Variants in HMCN2 observed in about 807,000 individuals in gnomAD.
HMCN2 encodes hemicentin-2.
HMCN2 carries 325 observed loss-of-function variants against 377.5 expected under a neutral mutation model. The ratio of observed to expected loss-of-function variants is 0.86; its 90% CI spans 0.79 to 0.94. HMCN2 has a LOEUF of 0.94. HMCN2 is among the 40% of genes least tolerant of loss of function. The pLI, the probability that HMCN2 is intolerant of heterozygous loss-of-function variation, is 0.00. For missense variants in HMCN2, 4,543 were observed against 4,725.3 expected, an observed-to-expected ratio of 0.96 and a Z score of 1.13; for synonymous variants, 2,007 against 2,046.8, an observed-to-expected ratio of 0.98 and a Z score of 0.53.
chr9:130,432,924 A>G lies in HMCN2; in HGVS notation c.14894+369A>G. ...CTGGAAAGGTTTCTCCCGGCGGGTG[A>G]CCTGCCCCAGGCCTTACAACTAGAA... is the stretch of plus-strand genomic sequence containing the variant. On this transcript the variant is annotated intron_variant, in intron 97 of 97. Transcript: ENST00000683500. 4 of 365,292 alleles carry G rather than the reference A, an allele frequency of 1.1e-5. 1 individual carries two copies. The highest frequency in any genetic ancestry group is 5.3e-5 in the East Asian group (1 of 18,692). 22.6% of individuals were successfully genotyped at this position (365,292 alleles called of 1,614,324 possible). A position where few individuals can be genotyped will look rare whatever the true frequency, so the allele number is the denominator to read the frequency against.
At chr9:130,316,630 G>A (rs1837575765) in intron 15 of HMCN2, among the ~76,000 whole-genome samples, 1 of 152,198 alleles carries the variant, frequency 6.6e-6, no homozygotes, top group African/African-American at 2.4e-5. Context: ...CAGAGCTGCT[G>A]ACAACATCAC....
chr9:130,351,601 C>T lies in HMCN2; in HGVS notation c.4585+24C>T, dbSNP rs764038406. ...TGGTGAGCCCCCACGCCTTCTGGGA[C>T]CCCGCCACAGGCTACTCAGGAAGCT... On this transcript the variant is annotated intron_variant, in intron 30 of 97. Transcript: ENST00000683500. The surrounding 1 kb of genome is among the most constrained non-coding windows in gnomAD (Gnocchi z 5.4). The T allele has an allele frequency of 6.2e-6, 8 of 1,293,392 alleles. No individual in the cohort carries two copies. The East Asian group carries it at 3.9e-4, about 64-fold the overall frequency. 80.1% of individuals were successfully genotyped at this position (1,293,392 alleles called of 1,614,324 possible).
chr9:130,293,764 C>G (rs1051408981), intron 4 of HMCN2, among the ~76,000 whole-genome samples: 1 of 152,146 alleles, frequency 6.6e-6, no homozygotes, highest in Non-Finnish European at 1.5e-5. Context: ...AGGTTCTCTG[C>G]CCCCACAGAG....
At chr9:130,382,467 G>A (rs1478454611) in intron 55 of HMCN2, among the ~76,000 whole-genome samples, 170 bp downstream of exon 55, 1 of 152,204 alleles carries the variant, frequency 6.6e-6, no homozygotes, top group Admixed American at 6.5e-5. Flanking sequence ...CAGGTTCCAA[G>A]TCAGAAGCTT....
chr9:130,399,284 T>A (rs964510349), intron 75 of HMCN2, among the ~76,000 whole-genome samples: 1 of 150,946 alleles, frequency 6.6e-6, no homozygotes, highest in Non-Finnish European at 1.5e-5. Context: ...TGTCCATTTT[T>A]AAAAATTGGA....
intron 19 of HMCN2, among the ~76,000 whole-genome samples, chr9:130,324,806 G>A (rs1838039613): frequency 3.3e-5 from 5 of 151,994 alleles, no homozygotes; most frequent in Non-Finnish European, 5.9e-5. Context: ...TGTATTTTTA[G>A]TAGAGACAGG....
chr9:130,320,549 C>T (rs1588237309), intron 17 of HMCN2, 98 bp downstream of exon 17: 1 of 152,454 alleles, frequency 6.6e-6, no homozygotes, highest in East Asian at 1.9e-4. Flanking sequence ...GGGAGCCTCT[C>T]CTGGCCCATC....
rs1341213368 is a variant in HMCN2 at position 130,393,793 on chromosome 9, G to T, written c.10286G>T (p.Arg3429Leu). 2 of 1,284,712 alleles carry T rather than the reference G, an allele frequency of 1.6e-6. No individual in the cohort carries two copies. The highest frequency in any genetic ancestry group is 2.0e-6 in the Non-Finnish European group (2 of 986,352). The allele number at this position is 1,284,712 out of a possible 1,614,324, so 79.6% of individuals were successfully genotyped here. A position where few individuals can be genotyped will look rare whatever the true frequency, so the allele number is the denominator to read the frequency against. Residue 3429 changes from arginine (R) to leucine (L), a missense_variant, in exon 68 of 98, where the codon CGT (arginine) becomes CTT (leucine). By Grantham distance (102) the Arg-to-Leu change is moderately radical. Coordinates refer to ENST00000683500, the MANE Select transcript of HMCN2 (RefSeq NM_001291815.2). The surrounding 1 kb of genome is among the most constrained non-coding windows in gnomAD (Gnocchi z 5.2). ...TTCCAGAATGACGTGGTGGTGGTTC[G>T]TGGCTCCCTGGTGGAACTCCCGTGC... Reference protein sequence around the residue: ...VEFQNDVVVVRGSLVELPCEA... With the variant: ...VEFQNDVVVVLGSLVELPCEA...
intron 3 of HMCN2, among the ~76,000 whole-genome samples, chr9:130,285,824 G>A (rs918779058): frequency 2.0e-5 from 3 of 152,118 alleles, no homozygotes; most frequent in Non-Finnish European, 4.4e-5. Flanking sequence ...CTTCTCTGCC[G>A]CCACGTCTAG....
rs371423110 is a variant in HMCN2 at position 130,353,382 on chromosome 9, C to G, written c.4864+177C>G. 7.7e-4 allele frequency among the ~76,000 whole-genome samples: 117 copies of G among 152,314 alleles called. 1 individual carries two copies. The highest frequency in any genetic ancestry group is 2.5e-3 in the African/African-American group (102 of 41,552). ...GGTCCTCCCAGCTTATGTGACTTCC[C>G]TCATACCTGTAAGGAAACTGAGGCC... On this transcript the variant is annotated intron_variant, in intron 31 of 97. Coordinates refer to ENST00000683500, the MANE Select transcript of HMCN2 (RefSeq NM_001291815.2).
intron 41 of HMCN2, 62 bp from the exon 42 acceptor site, chr9:130,365,569 C>T (rs1372463574): frequency 1.2e-6 from 1 of 818,626 alleles, no homozygotes; most frequent in Non-Finnish European, 1.5e-6. Flanking sequence ...GTCACACAGT[C>T]TGTCCAGGGC....
At chr9:130,387,319 T>G (rs1407811963) in intron 61 of HMCN2, among the ~76,000 whole-genome samples, 1 of 152,154 alleles carries the variant, frequency 6.6e-6, no homozygotes, top group African/African-American at 2.4e-5. Flanking sequence ...AGAGTTTAAC[T>G]CTTATTCAAA....
intron 41 of HMCN2, 81 bp from the exon 42 acceptor site, chr9:130,365,550 A>G: frequency 1.5e-6 from 1 of 657,902 alleles, no homozygotes; most frequent in Non-Finnish European, 1.9e-6. Flanking sequence ...GTCACGTGAC[A>G]TGTCTGCAGT....
chr9:130,335,953 C>T (rs891761005), intron 22 of HMCN2, among the ~76,000 whole-genome samples: 12 of 152,294 alleles, frequency 7.9e-5, no homozygotes, highest in African/African-American at 1.7e-4. Context: ...CTGGGTAGGG[C>T]CTGAGAATCA....
In HMCN2 at chr9:130,304,779, G is replaced by A. The variant is rs1554935965; in HGVS notation, c.1593G>A (p.Gly531=). The A allele has an allele frequency of 2.1e-6, 1 of 471,214 alleles. No homozygotes were observed. Among genetic ancestry groups the A allele is most frequent in the South Asian group, 1.5e-5 (1 of 64,544 alleles). The allele number at this position is 471,214 out of a possible 1,614,324, so 29.2% of individuals were successfully genotyped here. ...CTCCCAACGTGACCGTGTCCCCAGG[G>A]GAGACTGCCGTCCTATCCTGCCGGG... The part of the protein sequence containing the change: ...VPAPNVTVSP[G]ETAVLSCRVL... Residue 531 remains glycine, a synonymous_variant, in exon 11 of 98, where the codon GGG becomes GGA. Transcript: ENST00000683500. This position sits in a 1 kb window ranked among gnomAD's most constrained non-coding sequence, Gnocchi z 4.3.
chr9:130,405,419 G>T (rs1843045712), intron 81 of HMCN2, among the ~76,000 whole-genome samples: 1 of 152,236 alleles, frequency 6.6e-6, no homozygotes. Flanking sequence ...TGAGCCAGGG[G>T]TATGGGTGGG....
intron 15 of HMCN2, among the ~76,000 whole-genome samples, chr9:130,318,902 G>C (rs957699208): frequency 9.9e-5 from 15 of 152,184 alleles, no homozygotes; most frequent in African/African-American, 3.6e-4. Flanking sequence ...AATCCCCCCC[G>C]ACGCTGGCTG....
rs150872829 is a variant in HMCN2 at position 130,268,114 on chromosome 9, C to G, written c.259+1977C>G. On this transcript the variant is annotated intron_variant, in intron 1 of 97. Coordinates refer to ENST00000683500, the MANE Select transcript of HMCN2 (RefSeq NM_001291815.2). ...GAAATATGTGGCTCCAGTGGCCCAGCAGGATAGCAGCCTTTCAGAGCCAGA... is the reference window on the plus strand; with the variant it reads ...GAAATATGTGGCTCCAGTGGCCCAGGAGGATAGCAGCCTTTCAGAGCCAGA... Among the ~76,000 whole-genome samples, 3 of 152,332 alleles carry G rather than the reference C, an allele frequency of 2.0e-5. No individual in the cohort carries two copies. The East Asian group carries it at 5.8e-4, about 29-fold the overall frequency.
intron 36 of HMCN2, 41 bp from the exon 37 acceptor site, chr9:130,359,278 C>T: frequency 8.7e-7 from 1 of 1,143,728 alleles, no homozygotes; most frequent in Non-Finnish European, 1.2e-6. Flanking sequence ...CTGCCCAGAG[C>T]TTGCACCTAC....
Sources: gnomAD v4.1 joint callset for allele counts (sites outside exome capture counted in the v4.1 genomes callset) on GRCh38, gnomAD v4.1.1 for gene constraint, Gnocchi (gnomAD v3.1) non-coding constraint, MANE v1.5 for transcripts, NCBI Gene and HGNC (gene_info 2026-07-23, HGNC 2026-07-21) for gene names.